Variants in NAA60 observed in about 807,000 individuals in gnomAD.
NAA60 encodes N-alpha-acetyltransferase 60, NatF catalytic subunit, also known as N-alpha-acetyltransferase 60.
A neutral mutation model predicts 26.1 loss-of-function variants in NAA60; 8 were observed. The ratio of observed to expected loss-of-function variants is 0.31; its 90% CI spans 0.18 to 0.55. The LOEUF (loss-of-function observed/expected upper bound fraction) is 0.55, where lower values mean the gene tolerates loss of function less well. Among genes scored for constraint, NAA60 ranks in the 20% least tolerant of loss-of-function variants. The probability of loss-of-function intolerance (pLI) is 0.93; values close to 1 mark genes in which losing one functional copy is unlikely to be tolerated. For synonymous variants in NAA60, 131 were observed against 122.5 expected (o/e 1.07, Z -0.46); for missense variants, 290 against 311.3 (o/e 0.93, Z 0.51).
intron 2 of NAA60, among the ~76,000 whole-genome samples, chr16:3,470,978 C>CAA (rs59698966): frequency 4.6e-5 from 7 of 151,854 alleles, no homozygotes; most frequent in Admixed American, 4.6e-4. Context: ...ATTTTTAAAT[C>CAA]GAGTGTAAAG....
chr16:3,448,193 G>C (rs2034629660), intron 1 of NAA60, among the ~76,000 whole-genome samples: 1 of 149,432 alleles, frequency 6.7e-6, no homozygotes, highest in Non-Finnish European at 1.5e-5. Flanking sequence ...AGAATCACTT[G>C]AGTCCAGGAG....
At chr16:3,479,763 C>CTG (rs397970860) in intron 4 of NAA60, among the ~76,000 whole-genome samples, 163 bp downstream of exon 4, 23,683 of 151,034 alleles carry the variant, frequency 0.16, 2,563 homozygotes, top group African/African-American at 0.32. Flanking sequence ...TGGTGCTTTT[C>CTG]TGTGTGTGTG....
At chr16:3,466,149 G>A (rs1053769459) in intron 2 of NAA60, among the ~76,000 whole-genome samples, 2 of 152,250 alleles carry the variant, frequency 1.3e-5, no homozygotes, top group African/African-American at 2.4e-5. Flanking sequence ...CACTCTGGGT[G>A]CCAGCACCGG....
intron 2 of NAA60, among the ~76,000 whole-genome samples, chr16:3,456,538 A>T (rs551954967): frequency 1.3e-5 from 2 of 152,202 alleles, no homozygotes; most frequent in Non-Finnish European, 2.9e-5. Context: ...CAATTTAGCA[A>T]TATTCTTTTA....
At chr16:3,453,705 G>C (rs2034872544) in intron 2 of NAA60, among the ~76,000 whole-genome samples, 1 of 152,120 alleles carries the variant, frequency 6.6e-6, no homozygotes, top group Non-Finnish European at 1.5e-5. Context: ...ACTGCACCCA[G>C]CTAATAATAA....
At chr16:3,460,681 A>G (rs2035331047) in intron 2 of NAA60, among the ~76,000 whole-genome samples, 1 of 152,122 alleles carries the variant, frequency 6.6e-6, no homozygotes, top group South Asian at 2.1e-4. Context: ...CATGGCTTTT[A>G]CACCTCTTTT....
At chr16:3,469,009 T>C (rs1690446) in intron 2 of NAA60, among the ~76,000 whole-genome samples, 39,683 of 150,820 alleles carry the variant, frequency 0.26, 5,719 homozygotes, top group Non-Finnish European at 0.32. Flanking sequence ...TCGCTTGAAC[T>C]CGGGAGGCAG....
intron 3 of NAA60, 45 bp downstream of exon 3, chr16:3,476,382 A>T: frequency 4.7e-6 from 7 of 1,502,872 alleles, no homozygotes; most frequent in Non-Finnish European, 6.4e-6. Context: ...CGTGAGCCTC[A>T]GGTGCAGAAG....
Position 3,483,384 on chromosome 16 carries a change from T to C in NAA60, c.359T>C (p.Leu120Ser), listed in dbSNP as rs1050659781. The C allele has an allele frequency of 1.2e-6, 2 of 1,612,264 alleles. No homozygotes were observed. Among genetic ancestry groups the C allele is most frequent in the East Asian group, 2.2e-5 (1 of 44,876 alleles). ...HGIGSLLLES[L>S]KDHISTTAQD... The stretch of plus-strand genomic sequence containing the variant: ...CAAGGTTCCCTCTTACTTGAAAGTT[T>C]AAAGGATCACATATCAACCACCGCC... The change falls in exon 6 of 8, where the codon TTA becomes TCA. Residue 120 changes from leucine to serine, a missense_variant. Transcript: ENST00000407558.
At chr16:3,476,398 C>T (rs2036485764) in intron 3 of NAA60, 61 bp downstream of exon 3, 25 of 1,395,376 alleles carry the variant, frequency 1.8e-5, no homozygotes, top group Admixed American at 5.7e-5. Flanking sequence ...AGAAGCTGGG[C>T]GGCGGGGGTG....
chr16:3,477,239 T>C lies in NAA60; in HGVS notation c.110+902T>C, dbSNP rs559743979. Among the ~76,000 whole-genome samples, 5 of 152,320 alleles carry C rather than the reference T, an allele frequency of 3.3e-5. No individual in the cohort carries two copies. In the South Asian group the frequency reaches 1.0e-3, roughly 32 times the overall value. On this transcript the variant is annotated intron_variant, in intron 3 of 7. Coordinates refer to ENST00000407558, the MANE Select transcript of NAA60 (RefSeq NM_001083601.3). ...TCAGTATTTGAGGTGGGTAGATTAA[T>C]ATTAGGCCCTATGATTGTTTCTTCT...
chr16:3,455,477 C>G (rs1238012161), intron 2 of NAA60, among the ~76,000 whole-genome samples: 1 of 149,718 alleles, frequency 6.7e-6, no homozygotes, highest in South Asian at 2.1e-4. Context: ...TCACTGCAAG[C>G]TCCACCTCCT....
Position 3,479,536 on chromosome 16 carries a change from A to G in NAA60, c.176A>G (p.Tyr59Cys). The G allele has an allele frequency of 6.2e-7, 1 of 1,614,054 alleles. No individual in the cohort carries two copies. Among genetic ancestry groups the G allele is most frequent in the Non-Finnish European group, 8.5e-7 (1 of 1,179,868 alleles). ...NKKFFSLAAT[Y>C]RGAIVGMIVA... ...AAGTTCTTTTCCCTTGCTGCAACCT[A>G]CAGAGGTGCCATTGTGGGAATGATA... is the stretch of plus-strand genomic sequence containing the variant. The change falls in exon 4 of 8, where the codon TAC (tyrosine) becomes TGC (cysteine). Residue 59 changes from tyrosine to cysteine, a missense_variant. Transcript: ENST00000407558.
intron 4 of NAA60, among the ~76,000 whole-genome samples, chr16:3,481,897 A>G (rs2036861087): frequency 6.6e-6 from 1 of 152,138 alleles, no homozygotes; most frequent in African/African-American, 2.4e-5. Flanking sequence ...TTGGAAGATG[A>G]TAAGAGCCTC....
intron 1 of NAA60, 141 bp from the exon 2 acceptor site, chr16:3,448,330 A>T (rs1337387353): frequency 1.9e-6 from 1 of 516,320 alleles, no homozygotes; most frequent in Non-Finnish European, 3.4e-6. Flanking sequence ...CTACATGTTT[A>T]GATAGTTAAT....
chr16:3,458,118 C>T (rs960183945), intron 2 of NAA60: 37 of 985,276 alleles, frequency 3.8e-5, no homozygotes, highest in African/African-American at 2.4e-4. Context: ...CTTCCCGGCT[C>T]CCTTCGCCTC....
intron 1 of NAA60, among the ~76,000 whole-genome samples, chr16:3,447,989 A>G (rs532459655): frequency 2.6e-5 from 4 of 152,318 alleles, no homozygotes; most frequent in Non-Finnish European, 4.4e-5. Flanking sequence ...AGGTGCTTCC[A>G]GAGAAAGATT....
rs1054405159 is a variant in NAA60, at chr16:3,458,095, C to G, written c.-7+9555C>G. The G allele has an allele frequency of 2.5e-5, 25 of 985,202 alleles. No homozygotes were observed. In the African/African-American group the frequency reaches 4.0e-4, roughly 16 times the overall value. The allele number at this position is 985,202 out of a possible 1,614,324, so 61.0% of individuals were successfully genotyped here. A position where few individuals can be genotyped will look rare whatever the true frequency, so the allele number is the denominator to read the frequency against. On this transcript the variant is annotated intron_variant, in intron 2 of 7. Coordinates refer to ENST00000407558, the MANE Select transcript of NAA60 (RefSeq NM_001083601.3). ...CCGGTTACATAACTCGTTGCGGGCT[C>G]CGCGCGGTCCCACTTCCCGGCTCCC...
At chr16:3,462,372 A>G (rs74005807) in intron 2 of NAA60, among the ~76,000 whole-genome samples, 7,460 of 152,180 alleles carry the variant, frequency 0.049, 604 homozygotes, top group African/African-American at 0.17. Flanking sequence ...TTTGGTGTTC[A>G]TGGGTGTTCT....
Sources: gnomAD v4.1 joint callset for allele counts (sites outside exome capture counted in the v4.1 genomes callset) on GRCh38, gnomAD v4.1.1 for gene constraint, MANE v1.5 for transcripts, NCBI Gene and HGNC (gene_info 2026-07-23, HGNC 2026-07-21) for gene names.